Variants in RBM47 observed in about 807,000 individuals in gnomAD.
The protein encoded by RBM47 is RNA binding motif protein 47.
In RBM47, 21 loss-of-function variants were observed where a neutral mutation model predicts 47.1. The observed-to-expected ratio is 0.45, with a 90% CI of 0.32 to 0.64. RBM47 has a LOEUF of 0.64. Among genes scored for constraint, RBM47 ranks in the 30% least tolerant of loss-of-function variants. RBM47 has a pLI of 0.05. For synonymous variants in RBM47, 375 were observed against 361.7 expected (o/e 1.04, Z -0.42); for missense variants, 708 against 870.9 (o/e 0.81, Z 2.35).
chr4:40,547,470 A>G (rs1434268095), intron 1 of RBM47, among the ~76,000 whole-genome samples: 2 of 152,130 alleles, frequency 1.3e-5, no homozygotes, highest in Admixed American at 1.3e-4. Flanking sequence ...AGGTAAACAA[A>G]CCCTGCTGTC....
At chr4:40,443,639 C>T (rs1309541059) in intron 3 of RBM47, among the ~76,000 whole-genome samples, 1 of 140,064 alleles carries the variant, frequency 7.1e-6, no homozygotes, top group Non-Finnish European at 1.5e-5. Context: ...ATCCCTTGAA[C>T]CTGGGAGGCG....
At chr4:40,483,233 G>C (rs1439934284) in intron 2 of RBM47, among the ~76,000 whole-genome samples, 1 of 152,176 alleles carries the variant, frequency 6.6e-6, no homozygotes, top group Admixed American at 6.5e-5. Flanking sequence ...TGAGCAAATG[G>C]TAACTTGGCA....
At chr4:40,468,106 T>C (rs1718319356) in intron 2 of RBM47, among the ~76,000 whole-genome samples, 3 of 152,110 alleles carry the variant, frequency 2.0e-5, no homozygotes, top group African/African-American at 7.2e-5. Context: ...GCCAACATGG[T>C]GAAACCCTGT....
chr4:40,560,368 T>C (rs1306517310), intron 1 of RBM47, among the ~76,000 whole-genome samples: 1 of 152,222 alleles, frequency 6.6e-6, no homozygotes, highest in Non-Finnish European at 1.5e-5. Flanking sequence ...GGAATGAGCA[T>C]GTGCATGGCC....
At chr4:40,532,309 A>AT (rs34850081) in intron 2 of RBM47, among the ~76,000 whole-genome samples, 1,880 of 65,770 alleles carry the variant, frequency 0.029, 108 homozygotes, top group African/African-American at 0.065. Context: ...CACGCCCGGC[A>AT]TTTTTTTTTT....
intron 2 of RBM47, among the ~76,000 whole-genome samples, chr4:40,507,502 G>C (rs1229495590): frequency 6.6e-6 from 1 of 152,130 alleles, no homozygotes; most frequent in Non-Finnish European, 1.5e-5. Flanking sequence ...AAATTCCAGA[G>C]TTACGGCTGG....
At chr4:40,452,845 T>C in intron 3 of RBM47, among the ~76,000 whole-genome samples, 1 of 141,944 alleles carries the variant, frequency 7.0e-6, no homozygotes. Flanking sequence ...TCCTTCTTTT[T>C]TTTTTTTTTT....
chr4:40,602,744 TTC>T (rs977932139), intron 1 of RBM47, among the ~76,000 whole-genome samples: 4 of 152,310 alleles, frequency 2.6e-5, no homozygotes, highest in South Asian at 2.1e-4. Context: ...CATTGTTTAT[TTC>T]TCTGTTTATT....
intron 3 of RBM47, among the ~76,000 whole-genome samples, chr4:40,464,818 G>A (rs1457598314): frequency 6.8e-6 from 1 of 147,422 alleles, no homozygotes; most frequent in Non-Finnish European, 1.5e-5. Context: ...GTGAACCCGG[G>A]AGGCAGAGCT....
At chr4:40,433,395 C>T (rs1711678528) in intron 5 of RBM47, among the ~76,000 whole-genome samples, 1 of 152,164 alleles carries the variant, frequency 6.6e-6, no homozygotes, top group Admixed American at 6.5e-5. Context: ...ACTCCCCCTG[C>T]CTGTTGTGGA....
chr4:40,599,825 C>G (rs1735082782), intron 1 of RBM47, among the ~76,000 whole-genome samples: 1 of 151,908 alleles, frequency 6.6e-6, no homozygotes, highest in South Asian at 2.1e-4. Context: ...AGCAGAATCT[C>G]CCAGCTAAGC....
chr4:40,584,700 C>T (rs1733363266), intron 1 of RBM47, among the ~76,000 whole-genome samples: 1 of 152,100 alleles, frequency 6.6e-6, no homozygotes, highest in Non-Finnish European at 1.5e-5. Flanking sequence ...AATGTACTTA[C>T]AAGCTTCCCA....
chr4:40,425,638 T>C lies in RBM47; in HGVS notation c.*266A>G, dbSNP rs931866273. 1.0e-5 allele frequency: 4 copies of C among 398,718 alleles called. No homozygotes were observed. The highest frequency in any genetic ancestry group is 1.8e-5 in the Non-Finnish European group (4 of 218,600). The allele number at this position is 398,718 out of a possible 1,614,324, so 24.7% of individuals were successfully genotyped here. On this transcript the variant is annotated 3_prime_UTR_variant, in exon 7 of 7. Transcript: ENST00000295971. ...AACAAAAACCTCTATACAAATGTAGTACAGCATACAAATTTTTAAAAGATG... is the reference window on the plus strand; with the variant it reads ...AACAAAAACCTCTATACAAATGTAGCACAGCATACAAATTTTTAAAAGATG...
intron 1 of RBM47, among the ~76,000 whole-genome samples, chr4:40,563,169 C>T (rs995566815): frequency 4.6e-5 from 7 of 152,098 alleles, no homozygotes; most frequent in African/African-American, 9.6e-5. Context: ...CCAGTCTGGG[C>T]GACAGAGCAA....
chr4:40,446,972 T>G (rs1714635791), intron 3 of RBM47, among the ~76,000 whole-genome samples: 1 of 152,118 alleles, frequency 6.6e-6, no homozygotes, highest in Non-Finnish European at 1.5e-5. Context: ...TGTCTGGCAG[T>G]GTGATTCTCC....
intron 1 of RBM47, among the ~76,000 whole-genome samples, chr4:40,553,178 G>C (rs960441710): frequency 8.0e-5 from 12 of 150,290 alleles, no homozygotes; most frequent in African/African-American, 2.9e-4. Flanking sequence ...TTCATGAATT[G>C]ATTATTCTTT....
At chr4:40,457,303 T>A (rs1173411610) in intron 3 of RBM47, among the ~76,000 whole-genome samples, 1 of 150,104 alleles carries the variant, frequency 6.7e-6, no homozygotes, top group African/African-American at 2.5e-5. Flanking sequence ...GTGCCTGTAA[T>A]CCCAACTACT....
At chr4:40,577,673 G>T (rs1373781817) in intron 1 of RBM47, among the ~76,000 whole-genome samples, 1 of 148,264 alleles carries the variant, frequency 6.7e-6, no homozygotes, top group East Asian at 2.0e-4. Flanking sequence ...GGGATAAGCT[G>T]ATAGTCACAA....
intron 1 of RBM47, among the ~76,000 whole-genome samples, chr4:40,545,543 A>C (rs1300687654): frequency 6.7e-6 from 1 of 149,654 alleles, no homozygotes; most frequent in Admixed American, 6.6e-5. Context: ...GGGCACCTGT[A>C]GTCCCAGCTA....
Sources: gnomAD v4.1 joint callset for allele counts (sites outside exome capture counted in the v4.1 genomes callset) on GRCh38, gnomAD v4.1.1 for gene constraint, MANE v1.5 for transcripts, NCBI Gene and HGNC (gene_info 2026-07-23, HGNC 2026-07-21) for gene names.